Variants in GNG7 observed in about 807,000 individuals in gnomAD.
GNG7 encodes the protein G protein subunit gamma 7.
GNG7 carries 1 observed loss-of-function variant against 4.0 expected under a neutral mutation model. The observed-to-expected ratio is 0.25, with a 90% CI of 0.09 to 1.18. The LOEUF is 1.18. Among genes scored for constraint, GNG7 ranks in the 50% most tolerant of loss-of-function variants. The pLI is 0.50. For synonymous variants in GNG7, 34 were observed against 36.9 expected, an observed-to-expected ratio of 0.92 and a Z score of 0.29; for missense variants, 86 against 91.9, an observed-to-expected ratio of 0.94 and a Z score of 0.26.
At chr19:2,563,331 G>T (rs1050742684) in intron 2 of GNG7, among the ~76,000 whole-genome samples, 1 of 152,130 alleles carries the variant, frequency 6.6e-6, no homozygotes, top group South Asian at 2.1e-4. Flanking sequence ...GGGTGGGGCC[G>T]TCCTCGGCAC....
In GNG7 at chr19:2,609,815, G is replaced by A. The variant is rs1981504587; in HGVS notation, c.-78+36409C>T. Reference sequence around the variant, plus strand: ...CCGTAGGACAATCCAGTGGGACCTGGGGGTGCCTCTGGGCCATTGGGGGAC... The same window carrying A: ...CCGTAGGACAATCCAGTGGGACCTGAGGGTGCCTCTGGGCCATTGGGGGAC... On this transcript the variant is annotated intron_variant, in intron 2 of 4. Transcript: ENST00000382159. This position sits in a 1 kb window ranked among gnomAD's most constrained non-coding sequence, Gnocchi z 4.4. Among the ~76,000 whole-genome samples the A allele has an allele frequency of 6.6e-6, 1 of 152,172 alleles. No homozygotes were observed. The highest frequency in any genetic ancestry group is 2.4e-5 in the African/African-American group (1 of 41,442).
chr19:2,548,806 A>C lies in GNG7; in HGVS notation c.-38+6343T>G, dbSNP rs1303445324. Among the ~76,000 whole-genome samples the C allele has an allele frequency of 9.5e-5, 8 of 84,388 alleles. 1 individual carries two copies. Among genetic ancestry groups the C allele is most frequent in the East Asian group, 7.7e-4 (2 of 2,590 alleles). The allele number at this position is 84,388 out of a possible 152,430, so 55.4% of individuals were successfully genotyped here. A position where few individuals can be genotyped will look rare whatever the true frequency, so the allele number is the denominator to read the frequency against. On this transcript the variant is annotated intron_variant, in intron 3 of 4. Coordinates refer to ENST00000382159, the MANE Select transcript of GNG7 (RefSeq NM_052847.3). ...CTGTCTCAAAAAACAAAACACAACA[A>C]AACAAACAAACAAACAGCGACAACC...
chr19:2,649,390 A>AATTATTCTTATTATTATTATTATT (rs1982749888), intron 1 of GNG7, among the ~76,000 whole-genome samples: 1 of 145,796 alleles, frequency 6.9e-6, no homozygotes, highest in Admixed American at 6.9e-5. Flanking sequence ...CACCCCTAGG[A>AATTATTCTTATTATTATTATTATT]ATTATTATTA....
chr19:2,616,308 G>A (rs979623060), intron 2 of GNG7, among the ~76,000 whole-genome samples: 3 of 152,048 alleles, frequency 2.0e-5, no homozygotes, highest in East Asian at 1.9e-4. Flanking sequence ...GCAATGGCAC[G>A]ATCTCGACTC....
chr19:2,659,063 G>T lies in GNG7; in HGVS notation c.-134-12783C>A, dbSNP rs552713483. Among the ~76,000 whole-genome samples the T allele has an allele frequency of 6.4e-4, 97 of 151,254 alleles. 1 individual carries two copies. Among genetic ancestry groups the T allele is most frequent in the African/African-American group, 2.3e-3 (93 of 41,150 alleles). On this transcript the variant is annotated intron_variant, in intron 1 of 4. Coordinates refer to ENST00000382159, the MANE Select transcript of GNG7 (RefSeq NM_052847.3). ...CGGCTCACTGCAAGCTCCACCTCCC[G>T]GGTTCATGCCATTCTCCTGCCTCAG...
chr19:2,567,095 G>C (rs1321771519), intron 2 of GNG7, among the ~76,000 whole-genome samples: 2 of 143,512 alleles, frequency 1.4e-5, no homozygotes, highest in Non-Finnish European at 1.5e-5. Context: ...CTGGGCGACA[G>C]AGCGAGACTC....
At chr19:2,606,641 G>C (rs187448878) in intron 2 of GNG7, among the ~76,000 whole-genome samples, 2 of 142,836 alleles carry the variant, frequency 1.4e-5, no homozygotes, top group Admixed American at 1.5e-4. Flanking sequence ...GGCAACAAGA[G>C]TGAAACTCTG....
intron 2 of GNG7, among the ~76,000 whole-genome samples, chr19:2,631,733 G>A (rs540477643): frequency 5.9e-5 from 9 of 152,126 alleles, no homozygotes; most frequent in Non-Finnish European, 1.3e-4. Flanking sequence ...TGGGCCTGGG[G>A]TGGGGGCACA....
intron 1 of GNG7, among the ~76,000 whole-genome samples, chr19:2,667,941 A>G (rs1293242846): frequency 1.3e-5 from 2 of 152,046 alleles, no homozygotes; most frequent in South Asian, 2.1e-4. Context: ...AACAACAACA[A>G]CAAAAAAGAA....
chr19:2,617,419 C>G lies in GNG7; in HGVS notation c.-78+28805G>C, dbSNP rs1249396164. On this transcript the variant is annotated intron_variant, in intron 2 of 4. Coordinates refer to ENST00000382159, the MANE Select transcript of GNG7 (RefSeq NM_052847.3). The surrounding 1 kb of genome is among the most constrained non-coding windows in gnomAD (Gnocchi z 4.7). ...GCTCTGAGGACCCCATCAATCTGAT[C>G]AAGAAGCCACACTAGGTCACCTCAG... Among the ~76,000 whole-genome samples, 1 of 152,324 alleles carries G rather than the reference C, an allele frequency of 6.6e-6. No individual in the cohort carries two copies. Among genetic ancestry groups the G allele is most frequent in the African/African-American group, 2.4e-5 (1 of 41,580 alleles).
chr19:2,614,054 G>C lies in GNG7; in HGVS notation c.-78+32170C>G, dbSNP rs569903364. Reference sequence around the variant, plus strand: ...GAACTCGGGCCCCGCGCCTACCCCCGGGGTAAAGGGGGCCAGCCTCGCACA... The same window carrying C: ...GAACTCGGGCCCCGCGCCTACCCCCCGGGTAAAGGGGGCCAGCCTCGCACA... On this transcript the variant is annotated intron_variant, in intron 2 of 4. Coordinates refer to ENST00000382159, the MANE Select transcript of GNG7 (RefSeq NM_052847.3). This position sits in a 1 kb window ranked among gnomAD's most constrained non-coding sequence, Gnocchi z 6.0. Among the ~76,000 whole-genome samples the C allele has an allele frequency of 3.3e-5, 5 of 152,216 alleles. No homozygotes were observed. The highest frequency in any genetic ancestry group is 3.8e-4 in the East Asian group (2 of 5,200).
At chr19:2,580,737 A>T (rs2144790691) in intron 2 of GNG7, among the ~76,000 whole-genome samples, 1 of 151,904 alleles carries the variant, frequency 6.6e-6, no homozygotes, top group East Asian at 1.9e-4. Flanking sequence ...AGTAGCTGGG[A>T]CTACAGGTGC....
At chr19:2,563,105 C>A (rs1979796984) in intron 2 of GNG7, among the ~76,000 whole-genome samples, 1 of 151,850 alleles carries the variant, frequency 6.6e-6, no homozygotes, top group Admixed American at 6.6e-5. Flanking sequence ...CCACCACGCC[C>A]AGCTAATTTT....
intron 2 of GNG7, among the ~76,000 whole-genome samples, chr19:2,574,158 C>T (rs532072694): frequency 1.1e-3 from 170 of 152,306 alleles, no homozygotes; most frequent in African/African-American, 3.9e-3. Flanking sequence ...CCGGGGTGTC[C>T]CTGCTGGGCC....
chr19:2,578,893 G>A (rs1258331650), intron 2 of GNG7, among the ~76,000 whole-genome samples: 2 of 152,222 alleles, frequency 1.3e-5, no homozygotes, highest in African/African-American at 2.4e-5. Context: ...CCTGGCTCCC[G>A]GCCCCCCAGG....
At chr19:2,537,528 C>G (rs922962347) in intron 3 of GNG7, among the ~76,000 whole-genome samples, 1 of 152,184 alleles carries the variant, frequency 6.6e-6, no homozygotes, top group African/African-American at 2.4e-5. Context: ...AGCCATGGCA[C>G]CTGGCTATAA....
chr19:2,590,895 A>G (rs1289814014), intron 2 of GNG7, among the ~76,000 whole-genome samples: 1 of 151,650 alleles, frequency 6.6e-6, no homozygotes, highest in Non-Finnish European at 1.5e-5. Flanking sequence ...CCATCCATCC[A>G]TTTATCCATC....
At chr19:2,660,244 C>T (rs929309655) in intron 1 of GNG7, among the ~76,000 whole-genome samples, 2 of 152,194 alleles carry the variant, frequency 1.3e-5, no homozygotes, top group African/African-American at 4.8e-5. Context: ...GGAGATAACA[C>T]ATCTTCATCC....
chr19:2,661,299 A>AG (rs1983158252), intron 1 of GNG7, among the ~76,000 whole-genome samples: 1 of 42,948 alleles, frequency 2.3e-5, no homozygotes, highest in Non-Finnish European at 4.3e-5. Context: ...AGAAAGAAAG[A>AG]AAGAGAAAGA....
Sources: allele counts gnomAD v4.1 joint callset (sites outside exome capture counted in the v4.1 genomes callset), GRCh38; gene constraint gnomAD v4.1.1; non-coding constraint Gnocchi (gnomAD v3.1); transcripts MANE v1.5; gene names NCBI Gene and HGNC (gene_info 2026-07-23, HGNC 2026-07-21).